The following PDXP variants were observed in gnomAD, a reference collection of about 807,000 sequenced individuals.
PDXP encodes pyridoxal phosphatase.
Under a neutral mutation model 14.4 loss-of-function variants are expected in PDXP, and 15 were observed. That is an observed-to-expected ratio of 1.04 (90% CI 0.70 to 1.60). PDXP has a LOEUF of 1.60. Among genes scored for constraint, PDXP ranks in the 40% most tolerant of loss-of-function variants. The pLI is 0.00. For missense variants in PDXP, 413 were observed against 427.6 expected (o/e 0.97, Z 0.30); for synonymous variants, 233 against 205.6 (o/e 1.13, Z -1.14).
At position 37,658,966 on chromosome 22, in the gene PDXP, C is replaced by T. The variant is rs1933140238; in HGVS notation, c.184C>T (p.Arg62Trp). 5 of 1,204,230 alleles carry T rather than the reference C, an allele frequency of 4.2e-6. No individual in the cohort carries two copies. The highest frequency in any genetic ancestry group is 6.4e-5 in the South Asian group (2 of 31,210). The allele number at this position is 1,204,230 out of a possible 1,614,324, so 74.6% of individuals were successfully genotyped here. A position where few individuals can be genotyped will look rare whatever the true frequency, so the allele number is the denominator to read the frequency against. The change falls in exon 1 of 2, where the codon CGG (arginine) becomes TGG (tryptophan). Residue 62 changes from arginine to tryptophan, a missense_variant. Arg to Trp is a moderately radical substitution (Grantham distance 101). Transcript: ENST00000215904. ...KAALFVSNNS[R>W]RARPELALRF... ...GGCTCTGTTTGTGAGCAACAACAGCCGGCGCGCGCGGCCCGAGCTGGCCCT... is the reference window on the plus strand; with the variant it reads ...GGCTCTGTTTGTGAGCAACAACAGCTGGCGCGCGCGGCCCGAGCTGGCCCT...
chr22:37,659,487 C>A (rs1453437217), intron 1 of PDXP, 131 bp downstream of exon 1: 26 of 632,950 alleles, frequency 4.1e-5, no homozygotes, highest in Non-Finnish European at 2.3e-5. Context: ...GAGGGAGGCC[C>A]AGGGTGCTTT....
At position 37,659,281 on chromosome 22, in the gene PDXP, C is replaced by G. The variant is rs1933152144; in HGVS notation, c.499C>G (p.Arg167Gly). 5.3e-6 allele frequency: 7 copies of G among 1,317,102 alleles called. No individual in the cohort carries two copies. The highest frequency in any genetic ancestry group is 4.9e-6 in the Non-Finnish European group (5 of 1,029,216). 81.6% of individuals were successfully genotyped at this position (1,317,102 alleles called of 1,614,324 possible). A position where few individuals can be genotyped will look rare whatever the true frequency, so the allele number is the denominator to read the frequency against. The change falls in exon 1 of 2, where the codon CGC becomes GGC. Residue 167 changes from arginine to glycine, a missense_variant. By Grantham distance (125) the Arg-to-Gly change is moderately radical. Transcript: ENST00000215904. ...AKLREACAHL[R>G]DPECLLVATD... ...GCTGAGGGAGGCGTGCGCGCACCTG[C>G]GCGACCCCGAGTGCCTACTCGTGGC... is the stretch of plus-strand genomic sequence containing the variant.
chr22:37,663,919 C>CTTTTTTTTTT (rs11335821), intron 1 of PDXP, among the ~76,000 whole-genome samples: 1 of 98,310 alleles, frequency 1.0e-5, no homozygotes, highest in African/African-American at 4.5e-5. Context: ...AATACGTTGA[C>CTTTTTTTTTT]TTTTTTTTTT....
chr22:37,664,071 C>T (rs190369495), intron 1 of PDXP, among the ~76,000 whole-genome samples: 4 of 151,840 alleles, frequency 2.6e-5, no homozygotes, highest in African/African-American at 9.6e-5. Context: ...GCTGGGATTA[C>T]AGGCATGCGC....
chr22:37,658,740 G>A lies in PDXP; in HGVS notation c.-43G>A. Reference sequence around the variant, plus strand: ...GTGCCAGGGAGAGCGCGCCGTGCCCGCGGAGAGAGCGCGGCGCGGGAGGCC... The same window carrying A: ...GTGCCAGGGAGAGCGCGCCGTGCCCACGGAGAGAGCGCGGCGCGGGAGGCC... On this transcript the variant is annotated 5_prime_UTR_variant, in exon 1 of 2. Coordinates refer to ENST00000215904, the MANE Select transcript of PDXP (RefSeq NM_020315.5). 3.6e-6 allele frequency: 4 copies of A among 1,117,230 alleles called. No individual in the cohort carries two copies. The highest frequency in any genetic ancestry group is 4.4e-6 in the Non-Finnish European group (4 of 906,378). The allele number at this position is 1,117,230 out of a possible 1,614,324, so 69.2% of individuals were successfully genotyped here. A position where few individuals can be genotyped will look rare whatever the true frequency, so the allele number is the denominator to read the frequency against.
At chr22:37,661,283 T>TA (rs746142105) in intron 1 of PDXP, among the ~76,000 whole-genome samples, 115 of 151,322 alleles carry the variant, frequency 7.6e-4, no homozygotes, top group Admixed American at 1.8e-3. Context: ...GCTTAACAAA[T>TA]ACAGCACTGC....
chr22:37,665,903 C>G lies in PDXP; in HGVS notation c.*32C>G. The G allele has an allele frequency of 6.3e-7, 1 of 1,584,042 alleles. No individual in the cohort carries two copies. The highest frequency in any genetic ancestry group is 1.7e-4 in the Middle Eastern group (1 of 5,970). ...TGCACCTGCAGCCACAGGCCCACCC[C>G]TCCCCACTCCCTGATCCCGTAGGTG... On this transcript the variant is annotated 3_prime_UTR_variant, in exon 2 of 2. Coordinates refer to ENST00000215904, the MANE Select transcript of PDXP (RefSeq NM_020315.5).
At chr22:37,660,516 GC>G (rs1161997702) in intron 1 of PDXP, among the ~76,000 whole-genome samples, 3 of 152,238 alleles carry the variant, frequency 2.0e-5, no homozygotes, top group Admixed American at 6.5e-5. Flanking sequence ...GTTCAGCCCT[GC>G]AGGGGAGGCA....
intron 1 of PDXP, among the ~76,000 whole-genome samples, chr22:37,661,930 T>TTA: frequency 1.1e-4 from 2 of 18,520 alleles, no homozygotes; most frequent in African/African-American, 2.3e-4. Context: ...TTTTTTTTTT[T>TTA]TTTTTTTTTT....
intron 1 of PDXP, among the ~76,000 whole-genome samples, chr22:37,660,386 A>G (rs778987621): frequency 3.3e-5 from 5 of 152,124 alleles, no homozygotes; most frequent in Middle Eastern, 3.2e-3. Context: ...CCGCACCCCA[A>G]TGATGGGTGG....
At position 37,665,726 on chromosome 22, in the gene PDXP, GC is replaced by G; in HGVS notation, c.747del (p.Cys250AlafsTer3). 6.2e-7 allele frequency: 1 copy of G among 1,614,120 alleles called. No homozygotes were observed. ...GAGACCGACATCCTCTTTGGCCACC[GC>G]TGCGGCATGACCACTGTGCTCACGC... ...RLETDILFGHRCGMTTVLTLT... is the reference protein window; with the variant it reads ...RLETDILFGHXCGMTTVLTLT... On this transcript the variant is annotated frameshift_variant, in exon 2 of 2. Transcript: ENST00000215904. LOFTEE classifies it high-confidence loss of function.
Position 37,658,723 on chromosome 22 carries a change from G to A in PDXP, c.-60G>A. The A allele has an allele frequency of 9.4e-7, 1 of 1,065,984 alleles. No individual in the cohort carries two copies. Among genetic ancestry groups the A allele is most frequent in the Non-Finnish European group, 1.2e-6 (1 of 861,506 alleles). 66.0% of individuals were successfully genotyped at this position (1,065,984 alleles called of 1,614,324 possible). A position where few individuals can be genotyped will look rare whatever the true frequency, so the allele number is the denominator to read the frequency against. ...TGGCGGCTGCGTGGAACGTGCCAGG[G>A]AGAGCGCGCCGTGCCCGCGGAGAGA... On this transcript the variant is annotated 5_prime_UTR_variant, in exon 1 of 2. Transcript: ENST00000215904.
chr22:37,664,531 T>C (rs1017986922), intron 1 of PDXP, among the ~76,000 whole-genome samples: 1 of 152,248 alleles, frequency 6.6e-6, no homozygotes. Flanking sequence ...CTTATGAAGC[T>C]GTACAACCCT....
intron 1 of PDXP, among the ~76,000 whole-genome samples, chr22:37,660,580 G>A (rs1316617339): frequency 6.6e-6 from 1 of 152,234 alleles, no homozygotes; most frequent in African/African-American, 2.4e-5. Context: ...ACAAGAGCAG[G>A]TGGCAGCAGA....
chr22:37,659,995 A>G (rs2146086880), intron 1 of PDXP, among the ~76,000 whole-genome samples: 1 of 152,220 alleles, frequency 6.6e-6, no homozygotes, highest in Admixed American at 6.5e-5. Context: ...TACTCTGGAG[A>G]TGGAAGTTAT....
intron 1 of PDXP, among the ~76,000 whole-genome samples, chr22:37,663,652 C>G (rs1920985911): frequency 6.6e-6 from 1 of 151,964 alleles, no homozygotes; most frequent in African/African-American, 2.4e-5. Flanking sequence ...TTAACCTGTC[C>G]ACACACACTG....
intron 1 of PDXP, chr22:37,665,133 G>T: frequency 4.8e-6 from 1 of 209,670 alleles, no homozygotes; most frequent in Non-Finnish European, 9.7e-6. Context: ...CGCTTTCTCA[G>T]GAGTCCGGAG....
chr22:37,664,750 G>A (rs1017949812), intron 1 of PDXP, among the ~76,000 whole-genome samples: 1 of 152,226 alleles, frequency 6.6e-6, no homozygotes, highest in Non-Finnish European at 1.5e-5. Context: ...TGTGAGGCAG[G>A]ATGGTACTGG....
rs1196726824 is a variant in PDXP at position 37,659,014 on chromosome 22, G to T, written c.232G>T (p.Gly78Trp). 2 of 1,186,880 alleles carry T rather than the reference G, an allele frequency of 1.7e-6. No individual in the cohort carries two copies. The highest frequency in any genetic ancestry group is 2.1e-6 in the Non-Finnish European group (2 of 956,006). 73.5% of individuals were successfully genotyped at this position (1,186,880 alleles called of 1,614,324 possible). A position where few individuals can be genotyped will look rare whatever the true frequency, so the allele number is the denominator to read the frequency against. Reference sequence around the variant, plus strand: ...CCTGCGCTTCGCGCGCCTCGGCTTCGGGGGGCTGCGCGCCGAGCAGCTCTT... The same window carrying T: ...CCTGCGCTTCGCGCGCCTCGGCTTCTGGGGGCTGCGCGCCGAGCAGCTCTT... ...LALRFARLGF[G>W]GLRAEQLFSS... Residue 78 changes from glycine to tryptophan, a missense_variant, in exon 1 of 2, where the codon GGG becomes TGG. By Grantham distance (184) the Gly-to-Trp change is radical. Transcript: ENST00000215904.
Sources: allele counts gnomAD v4.1 joint callset (sites outside exome capture counted in the v4.1 genomes callset), GRCh38; gene constraint gnomAD v4.1.1; transcripts MANE v1.5; gene names NCBI Gene and HGNC (gene_info 2026-07-23, HGNC 2026-07-21).